The following RIMKLB variants were observed in gnomAD, a reference collection of about 807,000 sequenced individuals.
RIMKLB encodes the protein ribosomal modification protein rimK like family member B.
A neutral mutation model predicts 32.0 loss-of-function variants in RIMKLB; 7 were observed. That is an observed-to-expected ratio of 0.22 (90% CI 0.12 to 0.41). The LOEUF (loss-of-function observed/expected upper bound fraction) is 0.41, where lower values mean the gene tolerates loss of function less well. RIMKLB is among the 10% of genes least tolerant of loss of function. The probability of loss-of-function intolerance (pLI) is 1.00; values close to 1 mark genes in which losing one functional copy is unlikely to be tolerated. For missense variants in RIMKLB, 289 were observed against 498.7 expected (o/e 0.58, Z 4.00); for synonymous variants, 172 against 185.1 (o/e 0.93, Z 0.57).
chr12:8,779,130 C>T (rs892586286), downstream of RIMKLB: 2 of 152,206 alleles, frequency 1.3e-5, no homozygotes, highest in African/African-American at 2.4e-5. Flanking sequence ...GCCTTGTACT[C>T]AGCAAGAGTG....
At chr12:8,694,613 C>T (rs760433672), upstream of RIMKLB, among the ~76,000 whole-genome samples, 3 of 151,938 alleles carry the variant, frequency 2.0e-5, no homozygotes, top group Non-Finnish European at 4.4e-5. Flanking sequence ...AGGCTGGTCT[C>T]GAACTCCTGA....
At chr12:8,707,472 TCTG>T (rs781660640) in intron 1 of RIMKLB, among the ~76,000 whole-genome samples, 2 of 152,374 alleles carry the variant, frequency 1.3e-5, no homozygotes, top group Non-Finnish European at 2.9e-5. Context: ...CCCTCCAGGA[TCTG>T]CTACGTGTTC....
chr12:8,689,385 ATTG>A, intron 1 of RIMKLB, among the ~76,000 whole-genome samples: 1 of 152,360 alleles, frequency 6.6e-6, no homozygotes, highest in East Asian at 1.9e-4. Context: ...TTGCCAAAAC[ATTG>A]TAACTATATA....
At position 8,754,010 on chromosome 12, in the gene RIMKLB, G is replaced by A. The variant is rs1948822645; in HGVS notation, c.614G>A (p.Arg205His). Residue 205 changes from arginine (R) to histidine (H), a missense_variant, in exon 5 of 6, where the codon CGT becomes CAT. Transcript: ENST00000535829. ...YVKESHGRDV[R>H]VIVVGGRVVG... ...AAAGAGTCTCATGGACGGGATGTAC[G>A]TGTCATTGTCGTGGGAGGCCGTGTG... 1 of 1,614,016 alleles carries A rather than the reference G, an allele frequency of 6.2e-7. No homozygotes were observed. Among genetic ancestry groups the A allele is most frequent in the Non-Finnish European group, 8.5e-7 (1 of 1,179,874 alleles).
Position 8,776,013 on chromosome 12 carries a change from G to A in RIMKLB, c.*2229G>A. 1 of 984,236 alleles carries A rather than the reference G, an allele frequency of 1.0e-6. No homozygotes were observed. 61.0% of individuals were successfully genotyped at this position (984,236 alleles called of 1,614,324 possible). A position where few individuals can be genotyped will look rare whatever the true frequency, so the allele number is the denominator to read the frequency against. The stretch of plus-strand genomic sequence containing the variant: ...AGAAATAAATGAGGAAGAAAGAACT[G>A]CTTAATTAAATTATCATTCATATGT... On this transcript the variant is annotated 3_prime_UTR_variant, in exon 6 of 6. Coordinates refer to ENST00000535829, the MANE Select transcript of RIMKLB (RefSeq NM_001297776.2).
At chr12:8,715,078 A>ATCAC (rs1263198984) in intron 2 of RIMKLB, among the ~76,000 whole-genome samples, 1 of 152,172 alleles carries the variant, frequency 6.6e-6, no homozygotes, top group African/African-American at 2.4e-5. Context: ...TAGGTTGAGT[A>ATCAC]TCACACTAAG....
chr12:8,774,941 A>G lies in RIMKLB; in HGVS notation c.*1157A>G. Reference sequence around the variant, plus strand: ...TTTTGTTTCCATCAACTAATCAAAAAGGATAATTTAGAAAATGGAGCATGA... The same window carrying G: ...TTTTGTTTCCATCAACTAATCAAAAGGGATAATTTAGAAAATGGAGCATGA... On this transcript the variant is annotated 3_prime_UTR_variant, in exon 6 of 6. Coordinates refer to ENST00000535829, the MANE Select transcript of RIMKLB (RefSeq NM_001297776.2). 1 of 985,642 alleles carries G rather than the reference A, an allele frequency of 1.0e-6. No individual in the cohort carries two copies. Among genetic ancestry groups the G allele is most frequent in the Non-Finnish European group, 1.2e-6 (1 of 829,730 alleles). 61.1% of individuals were successfully genotyped at this position (985,642 alleles called of 1,614,324 possible).
intron 1 of RIMKLB, among the ~76,000 whole-genome samples, chr12:8,702,787 T>A (rs1220469282): frequency 1.3e-5 from 2 of 152,210 alleles, no homozygotes; most frequent in Non-Finnish European, 2.9e-5. Context: ...CTGTAAAGCC[T>A]TGGGCTTGAG....
downstream of RIMKLB, chr12:8,777,215 C>CTTTTTTTTTTTTTTTTTTTT (rs35828763): frequency 1.4e-5 from 10 of 703,916 alleles, no homozygotes; most frequent in Admixed American, 1.8e-4. Context: ...TGCTTGCTTT[C>CTTTTTTTTTTTTTTTTTTTT]TTTTTTTTTT....
At chr12:8,672,797 C>T in the RIMKLB span, among the ~76,000 whole-genome samples, 1 of 152,174 alleles carries the variant, frequency 6.6e-6, no homozygotes, top group African/African-American at 2.4e-5. Context: ...GAATGGCCTG[C>T]CCTTGCTTTG....
chr12:8,777,211 CTTTCT>C (rs1322050764), downstream of RIMKLB: 1 of 483,354 alleles, frequency 2.1e-6, no homozygotes, highest in Non-Finnish European at 2.4e-6. Context: ...TGCTTGCTTG[CTTTCT>C]TTTTTTTTTT....
intron 5 of RIMKLB, among the ~76,000 whole-genome samples, chr12:8,755,412 G>T (rs1948943247): frequency 1.3e-5 from 2 of 152,076 alleles, no homozygotes; most frequent in Non-Finnish European, 2.9e-5. Context: ...CTCTCTATTG[G>T]TTAATGACAG....
At chr12:8,715,950 G>A (rs756913720) in intron 2 of RIMKLB, among the ~76,000 whole-genome samples, 8 of 150,764 alleles carry the variant, frequency 5.3e-5, no homozygotes, top group Non-Finnish European at 1.0e-4. Context: ...CTTTTTCAGT[G>A]TAAGTGTGTA....
At chr12:8,781,400 A>C (rs1029289774), downstream of RIMKLB, among the ~76,000 whole-genome samples, 23 of 152,296 alleles carry the variant, frequency 1.5e-4, no homozygotes, top group South Asian at 4.1e-4. Context: ...GCTTTGGGAG[A>C]TAACAAAGAG....
At position 8,774,797 on chromosome 12, in the gene RIMKLB, G is replaced by A. The variant is rs1340993178; in HGVS notation, c.*1013G>A. 2 of 985,412 alleles carry A rather than the reference G, an allele frequency of 2.0e-6. No individual in the cohort carries two copies. Among genetic ancestry groups the A allele is most frequent in the African/African-American group, 1.7e-5 (1 of 57,204 alleles). 61.0% of individuals were successfully genotyped at this position (985,412 alleles called of 1,614,324 possible). On this transcript the variant is annotated 3_prime_UTR_variant, in exon 6 of 6. Coordinates refer to ENST00000535829, the MANE Select transcript of RIMKLB (RefSeq NM_001297776.2). ...TTGGGGGCAAATCAAGAGCCTATGA[G>A]TTCTAAGTATAAAGCTGAAGTGATT... is the stretch of plus-strand genomic sequence containing the variant.
intron 1 of RIMKLB, chr12:8,700,739 G>A (rs1024891367): frequency 1.3e-5 from 2 of 152,188 alleles, no homozygotes; most frequent in African/African-American, 4.8e-5. Flanking sequence ...GTGGGATTAA[G>A]TCACAAGCAA....
upstream of RIMKLB, among the ~76,000 whole-genome samples, chr12:8,676,984 G>A (rs938371931): frequency 6.6e-6 from 1 of 152,098 alleles, no homozygotes; most frequent in Non-Finnish European, 1.5e-5. Flanking sequence ...CCGTGCTATA[G>A]TCCACACCAA....
intron 5 of RIMKLB, among the ~76,000 whole-genome samples, chr12:8,770,638 C>CA (rs949024599): frequency 6.6e-6 from 1 of 152,128 alleles, no homozygotes; most frequent in Non-Finnish European, 1.5e-5. Flanking sequence ...TCTGTTAATA[C>CA]AAAAAATACA....
chr12:8,685,067 A>T (rs1283040468), intron 1 of RIMKLB, among the ~76,000 whole-genome samples: 3 of 152,216 alleles, frequency 2.0e-5, no homozygotes, highest in Non-Finnish European at 4.4e-5. Context: ...GATTTTTTAT[A>T]TAGGCAATCA....
Sources: gnomAD v4.1 joint callset for allele counts (sites outside exome capture counted in the v4.1 genomes callset) on GRCh38, gnomAD v4.1.1 for gene constraint, MANE v1.5 for transcripts, NCBI Gene and HGNC (gene_info 2026-07-23, HGNC 2026-07-21) for gene names.